Variants in CNTN4 observed in about 807,000 individuals in gnomAD.
CNTN4 encodes the protein contactin 4.
CNTN4 carries 77 observed loss-of-function variants against 122.5 expected under a neutral mutation model. That is an observed-to-expected ratio of 0.63 (90% confidence interval 0.52 to 0.76). The LOEUF is 0.76. Ranked by LOEUF, CNTN4 falls within the 30% of genes least tolerant of loss-of-function variation. The pLI is 0.00. For synonymous variants in CNTN4, 512 were observed against 447.0 expected, an observed-to-expected ratio of 1.15 and a Z score of -1.83; for missense variants, 1,256 against 1,259.1, an observed-to-expected ratio of 1.00 and a Z score of 0.04.
intron 3 of CNTN4, among the ~76,000 whole-genome samples, chr3:2,340,917 TCTGGAACAGACTCTGCAGTATTGA>T (rs757416695): frequency 6.4e-4 from 97 of 152,050 alleles, no homozygotes; most frequent in Non-Finnish European, 1.0e-3. Flanking sequence ...GGTCTTCTGA[TCTGGAACAGACTCTGCAGTATTGA>T]CTGGGTATGC....
intron 6 of CNTN4, among the ~76,000 whole-genome samples, chr3:2,797,760 G>C (rs7647953): frequency 6.6e-6 from 1 of 151,876 alleles, no homozygotes; most frequent in African/African-American, 2.4e-5. Flanking sequence ...TAAAATATTT[G>C]TAAGGCATTC....
chr3:2,355,126 C>T (rs1012782046), intron 3 of CNTN4, among the ~76,000 whole-genome samples: 10 of 152,262 alleles, frequency 6.6e-5, no homozygotes, highest in South Asian at 4.1e-4. Context: ...TTGAATTATG[C>T]GCAGTATGCC....
intron 3 of CNTN4, among the ~76,000 whole-genome samples, chr3:2,559,131 T>C (rs1294077349): frequency 4.6e-5 from 7 of 152,198 alleles, no homozygotes; most frequent in African/African-American, 1.4e-4. Flanking sequence ...TAAATAACTT[T>C]TTAAAAACTG....
intron 2 of CNTN4, among the ~76,000 whole-genome samples, chr3:2,325,690 A>G (rs942059706): frequency 6.6e-6 from 1 of 152,322 alleles, no homozygotes; most frequent in African/African-American, 2.4e-5. Context: ...GTCACTACAC[A>G]TACTGGATTA....
chr3:2,801,046 C>T (rs1438543894), intron 6 of CNTN4, among the ~76,000 whole-genome samples: 3 of 152,190 alleles, frequency 2.0e-5, no homozygotes, highest in Admixed American at 1.3e-4. Context: ...TTCTAACACA[C>T]TATGTCATTT....
intron 3 of CNTN4, among the ~76,000 whole-genome samples, chr3:2,394,336 T>C (rs13099675): frequency 0.17 from 25,988 of 152,002 alleles, 2,602 homozygotes; most frequent in Middle Eastern, 0.26. Context: ...TGGAATTTCA[T>C]AGATGCACTG....
At chr3:2,287,287 C>A (rs2149951991) in intron 2 of CNTN4, among the ~76,000 whole-genome samples, 1 of 152,080 alleles carries the variant, frequency 6.6e-6, no homozygotes, top group South Asian at 2.1e-4. Context: ...TAAAACTGAA[C>A]ATTTGAAATG....
intron 2 of CNTN4, among the ~76,000 whole-genome samples, chr3:2,131,214 C>T (rs143265758): frequency 5.7e-4 from 86 of 152,170 alleles, no homozygotes; most frequent in African/African-American, 2.0e-3. Context: ...ATACATACAC[C>T]TAGTAAGAAA....
intron 2 of CNTN4, among the ~76,000 whole-genome samples, chr3:2,197,785 G>A (rs971902545): frequency 1.3e-5 from 2 of 152,160 alleles, no homozygotes; most frequent in Non-Finnish European, 1.5e-5. Context: ...GGAGGCTGAG[G>A]CAGTTGGATC....
chr3:2,633,012 T>C (rs554888488), intron 4 of CNTN4, among the ~76,000 whole-genome samples: 2 of 148,916 alleles, frequency 1.3e-5, no homozygotes, highest in African/African-American at 4.9e-5. Context: ...ATATAATATC[T>C]ATTTATAACA....
intron 7 of CNTN4, among the ~76,000 whole-genome samples, chr3:2,846,076 G>C (rs2093450900): frequency 6.6e-6 from 1 of 152,198 alleles, no homozygotes; most frequent in Non-Finnish European, 1.5e-5. Flanking sequence ...CTGAATATTG[G>C]ATTCTCCTCT....
intron 2 of CNTN4, among the ~76,000 whole-genome samples, chr3:2,251,131 T>A (rs1291075922): frequency 6.6e-6 from 1 of 151,878 alleles, no homozygotes; most frequent in East Asian, 1.9e-4. Flanking sequence ...TTAAAATGCA[T>A]CCTCTCTCCT....
intron 13 of CNTN4, among the ~76,000 whole-genome samples, chr3:2,963,642 A>T (rs966968884): frequency 2.0e-5 from 3 of 152,172 alleles, no homozygotes; most frequent in Admixed American, 2.0e-4. Context: ...TTCCATGTTT[A>T]ACCTAAAGAA....
At chr3:2,140,329 A>G (rs77370169) in intron 2 of CNTN4, among the ~76,000 whole-genome samples, 2,786 of 152,328 alleles carry the variant, frequency 0.018, 27 homozygotes, top group Middle Eastern at 0.065. Flanking sequence ...TTAACAGAAG[A>G]TAAGTGCCTC....
chr3:2,519,153 G>T (rs2149128743), intron 3 of CNTN4, among the ~76,000 whole-genome samples: 1 of 152,230 alleles, frequency 6.6e-6, no homozygotes, highest in South Asian at 2.1e-4. Flanking sequence ...CAATGAAAAG[G>T]GAAGATCGGC....
intron 6 of CNTN4, among the ~76,000 whole-genome samples, chr3:2,750,508 A>G (rs1039226606): frequency 6.6e-6 from 1 of 152,346 alleles, no homozygotes. Context: ...TTTAAAGTCA[A>G]TATATTTAAA....
chr3:3,044,935 A>G (rs11129396), intron 23 of CNTN4, among the ~76,000 whole-genome samples: 53,353 of 152,124 alleles, frequency 0.35, 11,115 homozygotes, highest in East Asian at 0.57. Context: ...CGCTTTTCCA[A>G]TGGTCTTAGC....
At chr3:2,823,136 C>G (rs189731703) in intron 7 of CNTN4, among the ~76,000 whole-genome samples, 2 of 152,166 alleles carry the variant, frequency 1.3e-5, no homozygotes, top group African/African-American at 4.8e-5. Flanking sequence ...ACTGTTTTTC[C>G]GGGCTGTGTG....
chr3:2,666,475 G>C (rs547204895), intron 4 of CNTN4, among the ~76,000 whole-genome samples: 1 of 152,038 alleles, frequency 6.6e-6, no homozygotes, highest in Non-Finnish European at 1.5e-5. Flanking sequence ...GCTCTTTTAT[G>C]ATCACTGTTG....
Sources: allele counts gnomAD v4.1 joint callset (sites outside exome capture counted in the v4.1 genomes callset), GRCh38; gene constraint gnomAD v4.1.1; transcripts MANE v1.5; gene names NCBI Gene and HGNC (gene_info 2026-07-23, HGNC 2026-07-21).